The following HIVEP3 variants were observed in gnomAD, a reference collection of about 807,000 sequenced individuals.
HIVEP3 encodes HIVEP zinc finger 3.
Under a neutral mutation model 152.8 loss-of-function variants are expected in HIVEP3, and 49 were observed. That is an observed-to-expected ratio of 0.32 (90% CI 0.26 to 0.41). HIVEP3 has a LOEUF of 0.41. Among genes scored for constraint, HIVEP3 ranks in the 10% least tolerant of loss-of-function variants. The pLI is 1.00. For synonymous variants in HIVEP3, 1,269 were observed against 1,289.0 expected, an observed-to-expected ratio of 0.98 and a Z score of 0.33; for missense variants, 2,790 against 3,103.3, an observed-to-expected ratio of 0.90 and a Z score of 2.40.
At chr1:41,596,376 A>G (rs1242189194) in intron 3 of HIVEP3, among the ~76,000 whole-genome samples, 1 of 152,106 alleles carries the variant, frequency 6.6e-6, no homozygotes, top group African/African-American at 2.4e-5. Context: ...CACAACCTAG[A>G]GTCCATAGAT....
chr1:41,884,099 G>A (rs1644305360), intron 1 of HIVEP3, among the ~76,000 whole-genome samples: 1 of 152,102 alleles, frequency 6.6e-6, no homozygotes, highest in Admixed American at 6.5e-5. Flanking sequence ...CCTGGTAGCT[G>A]GGATTACAGG....
intron 1 of HIVEP3, among the ~76,000 whole-genome samples, chr1:41,994,807 A>C (rs1487273050): frequency 6.6e-6 from 1 of 152,196 alleles, no homozygotes; most frequent in Non-Finnish European, 1.5e-5. Context: ...ACTATGTTCA[A>C]ATATATAAAG....
intron 5 of HIVEP3, among the ~76,000 whole-genome samples, chr1:41,526,642 C>CAG: frequency 1.4e-5 from 1 of 69,274 alleles, no homozygotes; most frequent in Admixed American, 1.3e-4. Flanking sequence ...CACACCCTCA[C>CAG]ACCCCCACAC....
chr1:41,642,835 G>A (rs536253990), intron 2 of HIVEP3, among the ~76,000 whole-genome samples: 3 of 152,250 alleles, frequency 2.0e-5, no homozygotes, highest in African/African-American at 4.8e-5. Flanking sequence ...TGAGGGACCC[G>A]GCAGACTGGG....
intron 1 of HIVEP3, among the ~76,000 whole-genome samples, chr1:41,870,356 C>T (rs1255572366): frequency 2.0e-5 from 3 of 152,216 alleles, no homozygotes; most frequent in Non-Finnish European, 2.9e-5. Context: ...TTATCACTCT[C>T]TCTTTTCAAC....
chr1:41,565,563 G>C (rs1034172332), intron 5 of HIVEP3, among the ~76,000 whole-genome samples: 33 of 152,212 alleles, frequency 2.2e-4, no homozygotes, highest in African/African-American at 7.7e-4. Context: ...CACAGAGAGA[G>C]AGAGAGGGCA....
At chr1:41,572,755 A>G (rs1010435985) in intron 5 of HIVEP3, among the ~76,000 whole-genome samples, 1 of 152,268 alleles carries the variant, frequency 6.6e-6, no homozygotes, top group Non-Finnish European at 1.5e-5. Context: ...AAAGACTCAT[A>G]TAGCATCTAC....
At chr1:41,619,141 A>C (rs1044838992) in intron 3 of HIVEP3, among the ~76,000 whole-genome samples, 7 of 134,892 alleles carry the variant, frequency 5.2e-5, no homozygotes, top group African/African-American at 8.5e-5. Flanking sequence ...CTGTGCCCCC[A>C]CCCCCACTCC....
At chr1:41,813,305 A>G (rs2124330957) in intron 1 of HIVEP3, among the ~76,000 whole-genome samples, 1 of 152,264 alleles carries the variant, frequency 6.6e-6, no homozygotes. Flanking sequence ...CACAGCCTCC[A>G]CCAGCAGGAG....
At chr1:41,560,352 G>A (rs10789394) in intron 5 of HIVEP3, among the ~76,000 whole-genome samples, 39,411 of 152,084 alleles carry the variant, frequency 0.26, 5,375 homozygotes, top group East Asian at 0.46. Context: ...GACACATGCC[G>A]TGCTCAGAGG....
At chr1:41,974,295 T>G (rs1204025043) in intron 1 of HIVEP3, among the ~76,000 whole-genome samples, 2 of 152,132 alleles carry the variant, frequency 1.3e-5, no homozygotes, top group African/African-American at 4.8e-5. Flanking sequence ...CCTCAGTTAC[T>G]GCTACCAGCT....
chr1:41,707,879 T>C (rs748697282), intron 1 of HIVEP3, among the ~76,000 whole-genome samples: 1 of 152,240 alleles, frequency 6.6e-6, no homozygotes, highest in Non-Finnish European at 1.5e-5. Flanking sequence ...CGGTTTGCTA[T>C]CTGCAGCAAT....
chr1:41,844,110 G>A (rs1251146823), intron 1 of HIVEP3, among the ~76,000 whole-genome samples: 1 of 152,196 alleles, frequency 6.6e-6, no homozygotes, highest in East Asian at 1.9e-4. Flanking sequence ...GCCAAACTGA[G>A]GATAGTAAAG....
At chr1:41,711,261 G>T (rs1646509275) in intron 1 of HIVEP3, among the ~76,000 whole-genome samples, 1 of 152,232 alleles carries the variant, frequency 6.6e-6, no homozygotes, top group Non-Finnish European at 1.5e-5. Context: ...GAGGGTACGG[G>T]GAGGCCAGGA....
chr1:41,830,491 G>A (rs1009226672), intron 1 of HIVEP3, among the ~76,000 whole-genome samples: 2 of 152,204 alleles, frequency 1.3e-5, no homozygotes, highest in South Asian at 2.1e-4. Flanking sequence ...TGGCTGCTGG[G>A]AATGTTGTCT....
intron 1 of HIVEP3, among the ~76,000 whole-genome samples, chr1:41,772,270 T>G (rs772462691): frequency 6.6e-5 from 10 of 152,208 alleles, no homozygotes; most frequent in Non-Finnish European, 1.2e-4. Flanking sequence ...TCTAATCATG[T>G]GGAATCCTGC....
At chr1:41,612,476 A>G (rs1197626544) in intron 3 of HIVEP3, among the ~76,000 whole-genome samples, 1 of 152,204 alleles carries the variant, frequency 6.6e-6, no homozygotes, top group African/African-American at 2.4e-5. Context: ...AACATACTTC[A>G]TAACTAAGAA....
chr1:41,785,097 C>G (rs7548896), intron 1 of HIVEP3, among the ~76,000 whole-genome samples: 30,120 of 152,116 alleles, frequency 0.2, 7,082 homozygotes, highest in African/African-American at 0.57. Context: ...CTCTCTTTTA[C>G]AGAAGCTGCT....
At chr1:41,921,575 A>G (rs778230318), upstream of HIVEP3, among the ~76,000 whole-genome samples, 15 of 152,152 alleles carry the variant, frequency 9.9e-5, no homozygotes, top group Non-Finnish European at 1.3e-4. Context: ...TTCTTTATAA[A>G]TTGCCTGGTC....
Sources: gnomAD v4.1 joint callset for allele counts (sites outside exome capture counted in the v4.1 genomes callset) on GRCh38, gnomAD v4.1.1 for gene constraint, MANE v1.5 for transcripts, NCBI Gene and HGNC (gene_info 2026-07-23, HGNC 2026-07-21) for gene names.